ZBTB38: variants seen among roughly 807,000 people sequenced by gnomAD.
ZBTB38 encodes the protein zinc finger and BTB domain-containing protein 38.
ZBTB38 carries 20 observed loss-of-function variants against 76.8 expected under a neutral mutation model. The ratio of observed to expected loss-of-function variants is 0.26; its 90% confidence interval spans 0.18 to 0.38. The LOEUF (loss-of-function observed/expected upper bound fraction) is 0.38. ZBTB38 is among the 10% of genes least tolerant of loss of function. ZBTB38 has a pLI of 1.00. For missense variants in ZBTB38, 1,082 were observed against 1,482.3 expected (o/e 0.73, Z 4.43); for synonymous variants, 504 against 544.2 (o/e 0.93, Z 1.03).
rs752114369 is a variant in ZBTB38, at chr3:141,442,437, G to A, written c.49G>A (p.Asp17Asn). 6.2e-7 allele frequency: 1 copy of A among 1,614,166 alleles called. No individual in the cohort carries two copies. The highest frequency in any genetic ancestry group is 1.1e-5 in the South Asian group (1 of 91,078). Residue 17 changes from aspartate to asparagine, a missense_variant, in exon 6 of 6, where the codon GAC becomes AAC. Asp to Asn is a conservative substitution (Grantham distance 23). This residue lies in a region of ZBTB38 where 68 missense variants were observed against 153.0 expected (regional missense o/e 0.44). Coordinates refer to ENST00000321464, the MANE Select transcript of ZBTB38 (RefSeq NM_001376113.1). The surrounding 1 kb of genome is among the most constrained non-coding windows in gnomAD (Gnocchi z 6.4). ...GGACCTCAAGGACGACTTTCACAGT[G>A]ACACGGTACTCTCCATCTTAAATGA... ...SRDLKDDFHS[D>N]TVLSILNEQR...
At chr3:141,345,853 T>C (rs1281431072) in intron 1 of ZBTB38, among the ~76,000 whole-genome samples, 1 of 152,036 alleles carries the variant, frequency 6.6e-6, no homozygotes, top group Non-Finnish European at 1.5e-5. Flanking sequence ...ACCCACCAAA[T>C]CATTGTGACA....
chr3:141,327,225 A>G (rs148415499), intron 1 of ZBTB38, among the ~76,000 whole-genome samples: 1 of 152,352 alleles, frequency 6.6e-6, no homozygotes, highest in Non-Finnish European at 1.5e-5. Context: ...AAGGTGGGGC[A>G]TAACTCCATA....
chr3:141,441,355 T>G (rs2150933302), intron 5 of ZBTB38, among the ~76,000 whole-genome samples: 1 of 152,348 alleles, frequency 6.6e-6, no homozygotes, highest in East Asian at 1.9e-4. Context: ...AATTCAGGAA[T>G]CTATGACTAG....
chr3:141,428,928 A>C (rs1373497284), intron 5 of ZBTB38, among the ~76,000 whole-genome samples: 1 of 152,220 alleles, frequency 6.6e-6, no homozygotes, highest in African/African-American at 2.4e-5. Context: ...TGTAATTGGC[A>C]ATATTTATGG....
intron 2 of ZBTB38, among the ~76,000 whole-genome samples, chr3:141,377,998 G>A (rs1349479404): frequency 1.3e-5 from 2 of 152,020 alleles, no homozygotes; most frequent in African/African-American, 4.8e-5. Flanking sequence ...GTAACACAGG[G>A]AGACCCGCAT....
Position 141,443,490 on chromosome 3 carries a change from C to G in ZBTB38, c.1102C>G (p.Gln368Glu). ...SAHMQLHKPT[Q>E]EPLVCKYCNK... ...CCACATGCAGCTTCACAAGCCAACC[C>G]AGGAGCCTTTAGTGTGCAAGTATTG... is the stretch of plus-strand genomic sequence containing the variant. Residue 368 changes from glutamine (Q) to glutamate (E), a missense_variant, in exon 6 of 6, where the codon CAG becomes GAG. Physicochemically the swap from Gln to Glu is conservative, Grantham distance 29. This residue lies in a region of ZBTB38 where 324 missense variants were observed against 359.1 expected (regional missense o/e 0.90). Transcript: ENST00000321464. The surrounding 1 kb of genome is among the most constrained non-coding windows in gnomAD (Gnocchi z 5.6). 6.2e-7 allele frequency: 1 copy of G among 1,614,196 alleles called. No individual in the cohort carries two copies. The highest frequency in any genetic ancestry group is 8.5e-7 in the Non-Finnish European group (1 of 1,180,036).
At chr3:141,392,387 A>G (rs189582796) in intron 4 of ZBTB38, among the ~76,000 whole-genome samples, 138 of 152,348 alleles carry the variant, frequency 9.1e-4, no homozygotes, top group African/African-American at 3.2e-3. Context: ...ATGAAATATG[A>G]CATAGTCCCC....
In ZBTB38 at chr3:141,393,495, C is replaced by A. The variant is rs116276885; in HGVS notation, c.-106+6558C>A. Among the ~76,000 whole-genome samples, 311 of 152,104 alleles carry A rather than the reference C, an allele frequency of 2.0e-3. 2 individuals carry two copies. The highest frequency in any genetic ancestry group is 7.0e-3 in the African/African-American group (291 of 41,476). The stretch of plus-strand genomic sequence containing the variant: ...TGAACTGAGGAAGGGAAGAGAGGAA[C>A]CTGGAGCAGGGAAAGGAAGGAACTA... On this transcript the variant is annotated intron_variant, in intron 4 of 5. Transcript: ENST00000321464.
At chr3:141,441,863 C>T (rs1259728417) in intron 5 of ZBTB38, among the ~76,000 whole-genome samples, 1 of 151,382 alleles carries the variant, frequency 6.6e-6, no homozygotes, top group African/African-American at 2.4e-5. Flanking sequence ...TTGCAGTGAG[C>T]GGAGACCACA....
chr3:141,444,578 C>T lies in ZBTB38; in HGVS notation c.2190C>T (p.Ser730=). ...SSQFSSVIMH[S]NAIAAMTSSN... ...AGTTTTCATCGGTGATCATGCACAGCAATGCCATTGCTGCCATGACCAGCA... is the reference window on the plus strand; with the variant it reads ...AGTTTTCATCGGTGATCATGCACAGTAATGCCATTGCTGCCATGACCAGCA... Residue 730 remains serine (S), a synonymous_variant, in exon 6 of 6, where the codon AGC becomes AGT. Transcript: ENST00000321464. The surrounding 1 kb of genome is among the most constrained non-coding windows in gnomAD (Gnocchi z 5.1). 2 of 1,614,188 alleles carry T rather than the reference C, an allele frequency of 1.2e-6. No individual in the cohort carries two copies. The highest frequency in any genetic ancestry group is 1.7e-6 in the Non-Finnish European group (2 of 1,180,030).
chr3:141,336,459 C>G (rs749503880), intron 1 of ZBTB38, among the ~76,000 whole-genome samples: 2 of 152,140 alleles, frequency 1.3e-5, no homozygotes, highest in Admixed American at 6.5e-5. Flanking sequence ...AGAAAAACAC[C>G]TCTTACATGT....
intron 3 of ZBTB38, chr3:141,386,463 C>G (rs1182820413): frequency 6.6e-6 from 1 of 152,244 alleles, no homozygotes; most frequent in Non-Finnish European, 1.5e-5. Flanking sequence ...CATTTTTCTA[C>G]AAGCCTGCCG....
intron 4 of ZBTB38, among the ~76,000 whole-genome samples, chr3:141,398,001 TAA>T (rs960457611): frequency 2.6e-5 from 4 of 152,178 alleles, no homozygotes; most frequent in African/African-American, 9.7e-5. Context: ...TTTCAACCTG[TAA>T]AAAAAGACGC....
At chr3:141,394,766 C>G (rs148308753) in intron 4 of ZBTB38, among the ~76,000 whole-genome samples, 256 of 152,348 alleles carry the variant, frequency 1.7e-3, no homozygotes, top group African/African-American at 5.8e-3. Flanking sequence ...GCATTTAGCA[C>G]TGCATCATCC....
intron 4 of ZBTB38, among the ~76,000 whole-genome samples, chr3:141,398,646 A>AT (rs1013154198): frequency 2.4e-4 from 36 of 151,044 alleles, no homozygotes; most frequent in Non-Finnish European, 4.1e-4. Context: ...CTCCTTCTGT[A>AT]TTTTTTTTTG....
chr3:141,400,963 A>G (rs1481945505), intron 4 of ZBTB38, among the ~76,000 whole-genome samples: 1 of 152,204 alleles, frequency 6.6e-6, no homozygotes, highest in Non-Finnish European at 1.5e-5. Context: ...ACAGAGAGCA[A>G]TACTGCATAC....
At chr3:141,327,282 C>T (rs966435534) in intron 1 of ZBTB38, among the ~76,000 whole-genome samples, 1 of 152,062 alleles carries the variant, frequency 6.6e-6, no homozygotes, top group Non-Finnish European at 1.5e-5. Context: ...AAGAGTACAG[C>T]ATGGAAAGGG....
intron 1 of ZBTB38, among the ~76,000 whole-genome samples, chr3:141,352,942 CTTCAGT>C (rs1460972346): frequency 6.6e-6 from 1 of 152,066 alleles, no homozygotes; most frequent in Non-Finnish European, 1.5e-5. Flanking sequence ...ACTAAGCTGC[CTTCAGT>C]CTTAGTAGTA....
intron 1 of ZBTB38, among the ~76,000 whole-genome samples, chr3:141,358,977 G>T (rs1943742857): frequency 6.6e-6 from 1 of 152,230 alleles, no homozygotes; most frequent in Non-Finnish European, 1.5e-5. Flanking sequence ...AGAGCCATTA[G>T]GAGGCCAGTG....
Sources: allele counts gnomAD v4.1 joint callset (sites outside exome capture counted in the v4.1 genomes callset), GRCh38; gene constraint gnomAD v4.1.1; regional missense constraint gnomAD v4.1.1; non-coding constraint Gnocchi (gnomAD v3.1); transcripts MANE v1.5; gene names NCBI Gene and HGNC (gene_info 2026-07-23, HGNC 2026-07-21).